Variants in CFAP70 observed in about 807,000 individuals in gnomAD.
The protein encoded by CFAP70 is cilia- and flagella-associated protein 70.
Under a neutral mutation model 137.6 loss-of-function variants are expected in CFAP70, and 81 were observed. The observed-to-expected ratio is 0.59, with a 90% CI of 0.49 to 0.71. The LOEUF (loss-of-function observed/expected upper bound fraction) is 0.71, where lower values mean the gene tolerates loss of function less well. CFAP70 is among the 30% of genes least tolerant of loss of function. The pLI is 0.00. For missense variants in CFAP70, 976 were observed against 1,226.7 expected, an observed-to-expected ratio of 0.80 and a Z score of 3.05; for synonymous variants, 382 against 423.6, an observed-to-expected ratio of 0.90 and a Z score of 1.20.
At chr10:73,341,282 G>T in intron 6 of CFAP70, 117 bp downstream of exon 7, 1 of 872,090 alleles carries the variant, frequency 1.1e-6, no homozygotes, top group Non-Finnish European at 1.7e-6. Context: ...GTTTTATTTT[G>T]GCATGTAAGT....
rs568225905 is a variant in CFAP70, at chr10:73,319,309, TC to T, written c.912+3653del. On this transcript the variant is annotated intron_variant, in intron 9 of 26. Transcript: ENST00000310715. ...AGGAAGTGAAGACTCAACTATATGG[TC>T]CTTTGTTCTAAACTTCTTCCTGGGG... Among the ~76,000 whole-genome samples, 97 of 152,310 alleles carry T rather than the reference TC, an allele frequency of 6.4e-4. 1 individual carries two copies. The highest frequency in any genetic ancestry group is 2.1e-3 in the African/African-American group (88 of 41,570).
At chr10:73,278,069 CT>C in intron 20 of CFAP70, 109 bp downstream of exon 21, 2 of 1,103,934 alleles carry the variant, frequency 1.8e-6, no homozygotes, top group Non-Finnish European at 2.6e-6. Flanking sequence ...ATTTCAGAGC[CT>C]GGTTATCAAC....
intron 19 of CFAP70, among the ~76,000 whole-genome samples, chr10:73,282,826 CTTTTTTTTTT>C (rs1203127459): frequency 3.3e-5 from 3 of 90,924 alleles, no homozygotes; most frequent in Non-Finnish European, 6.5e-5. Context: ...TTCCTGTTAT[CTTTTTTTTTT>C]TTTTTTTTTT....
intron 4 of CFAP70, 54 bp from the exon 5 acceptor site, chr10:73,348,289 C>G: frequency 6.3e-7 from 1 of 1,588,328 alleles, no homozygotes; most frequent in Non-Finnish European, 8.6e-7. Context: ...GTTGGGATGA[C>G]TGCAGGCAGA....
In CFAP70 at chr10:73,291,769, A is replaced by G. The variant is rs866415900; in HGVS notation, c.1905-14T>C. ...CACAGCAACAAGCTGAGAAAAGATC[A>G]CCAACATGATTAACAACACGGTCCC... On this transcript the variant is annotated splice_polypyrimidine_tract_variant and intron_variant, in intron 17 of 26. Coordinates refer to ENST00000310715, the Ensembl canonical transcript of CFAP70. The G allele has an allele frequency of 1.2e-6, 2 of 1,614,008 alleles. No individual in the cohort carries two copies. Among genetic ancestry groups the G allele is most frequent in the African/African-American group, 1.3e-5 (1 of 75,056 alleles).
At chr10:73,302,526 T>C (rs1382153730) in intron 12 of CFAP70, among the ~76,000 whole-genome samples, 1 of 152,202 alleles carries the variant, frequency 6.6e-6, no homozygotes, top group Non-Finnish European at 1.5e-5. Context: ...AATTTGTATT[T>C]AGATAGCATT....
At chr10:73,285,433 G>C (rs528070087) in intron 19 of CFAP70, among the ~76,000 whole-genome samples, 18 of 152,240 alleles carry the variant, frequency 1.2e-4, no homozygotes, top group African/African-American at 4.1e-4. Context: ...AAAGTAGATG[G>C]GAAGGACTTC....
chr10:73,351,041 ATATATGTGTGTGTG>A, intron 3 of CFAP70, among the ~76,000 whole-genome samples: 1 of 82,506 alleles, frequency 1.2e-5, no homozygotes, highest in South Asian at 4.9e-4. Context: ...ATATGTGTGT[ATATATGTGTGTGTG>A]TGTGTGTGTG....
At chr10:73,283,872 G>A in intron 19 of CFAP70, among the ~76,000 whole-genome samples, 1 of 152,112 alleles carries the variant, frequency 6.6e-6, no homozygotes, top group Non-Finnish European at 1.5e-5. Flanking sequence ...CATTATATTT[G>A]AAATGAGGTT....
chr10:73,278,678 T>C (rs1296083910), intron 19 of CFAP70, among the ~76,000 whole-genome samples: 1 of 152,152 alleles, frequency 6.6e-6, no homozygotes, highest in Non-Finnish European at 1.5e-5. Context: ...TTGTTTCAGT[T>C]GGGTTAAGAT....
chr10:73,321,293 C>A lies in CFAP70; in HGVS notation c.912+1670G>T, dbSNP rs530802035. 2.6e-5 allele frequency among the ~76,000 whole-genome samples: 4 copies of A among 152,180 alleles called. No individual in the cohort carries two copies. In the East Asian group the frequency reaches 7.7e-4, roughly 29 times the overall value. ...AATAGCCGGGCGTGGTAGCATGCACCTGTAATCCCAGCTACTTGGGAAGCT... is the reference window on the plus strand; with the variant it reads ...AATAGCCGGGCGTGGTAGCATGCACATGTAATCCCAGCTACTTGGGAAGCT... On this transcript the variant is annotated intron_variant, in intron 9 of 26. Coordinates refer to ENST00000310715, the Ensembl canonical transcript of CFAP70.
At chr10:73,291,682 T>C in exon 18 of CFAP70, 5 of 1,614,030 alleles carry the variant, frequency 3.1e-6, no homozygotes, top group African/African-American at 1.3e-5. Context: ...TCCAAGCAAG[T>C]AGCATCCTCA....
intron 14 of CFAP70, among the ~76,000 whole-genome samples, chr10:73,297,769 A>T (rs2048648328): frequency 6.6e-6 from 1 of 152,232 alleles, no homozygotes; most frequent in Non-Finnish European, 1.5e-5. Context: ...CACTAAGGTA[A>T]CATTATTGCC....
chr10:73,322,607 T>C (rs2050972243), intron 9 of CFAP70, among the ~76,000 whole-genome samples: 1 of 151,490 alleles, frequency 6.6e-6, no homozygotes, highest in Non-Finnish European at 1.5e-5. Flanking sequence ...TTTCTCTCTT[T>C]TGTCTGGCTT....
chr10:73,285,573 A>G (rs986117810), intron 19 of CFAP70, among the ~76,000 whole-genome samples: 2 of 152,106 alleles, frequency 1.3e-5, no homozygotes, highest in Non-Finnish European at 2.9e-5. Flanking sequence ...TAGACTCTCT[A>G]AGCTCACATC....
intron 8 of CFAP70, among the ~76,000 whole-genome samples, chr10:73,330,888 G>T (rs754285872): frequency 1.3e-5 from 2 of 152,184 alleles, no homozygotes; most frequent in African/African-American, 2.4e-5. Context: ...ATTGTGAAGG[G>T]CCAAAGAGAA....
rs746295610 is a variant in CFAP70, at chr10:73,274,430, C to T, written c.2835+3G>A. 2.5e-6 allele frequency: 4 copies of T among 1,608,578 alleles called. No homozygotes were observed. In the East Asian group the frequency reaches 9.0e-5, roughly 36 times the overall value. ...GGGTTATTCCCCATTCTCTACCCCTCACCTCTTTCTCTTCCAGATAGATGA... is the reference window on the plus strand; with the variant it reads ...GGGTTATTCCCCATTCTCTACCCCTTACCTCTTTCTCTTCCAGATAGATGA... On this transcript the variant is annotated splice_donor_region_variant and intron_variant, in intron 23 of 26. Coordinates refer to ENST00000310715, the Ensembl canonical transcript of CFAP70.
intron 26 of CFAP70, 128 bp from the exon 28 acceptor site, chr10:73,254,183 C>G: frequency 1.7e-6 from 1 of 589,030 alleles, no homozygotes; most frequent in African/African-American, 1.9e-5. Context: ...TTGGCTCTTC[C>G]TATTTCCCTA....
intron 3 of CFAP70, among the ~76,000 whole-genome samples, chr10:73,349,029 C>G (rs570792929): frequency 6.6e-6 from 1 of 150,512 alleles, no homozygotes; most frequent in Non-Finnish European, 1.5e-5. Context: ...GCCATTGCAC[C>G]CAGCCTGGGC....
Sources: gnomAD v4.1 joint callset for allele counts (sites outside exome capture counted in the v4.1 genomes callset) on GRCh38, gnomAD v4.1.1 for gene constraint, MANE v1.5 for transcripts, NCBI Gene and HGNC (gene_info 2026-07-23, HGNC 2026-07-21) for gene names.